The following TAFA2 variants were observed in gnomAD, a reference collection of about 807,000 sequenced individuals.
TAFA2 encodes the protein TAFA chemokine like family member 2, also known as chemokine-like protein TAFA-2.
In TAFA2, 7 loss-of-function variants were observed where a neutral mutation model predicts 18.8. The observed-to-expected ratio is 0.37, with a 90% CI of 0.21 to 0.70. The LOEUF is 0.70. TAFA2 is among the 30% of genes least tolerant of loss of function. The probability of loss-of-function intolerance (pLI) is 0.53; values close to 1 mark genes in which losing one functional copy is unlikely to be tolerated. For missense variants in TAFA2, 122 were observed against 158.1 expected, an observed-to-expected ratio of 0.77 and a Z score of 1.23; for synonymous variants, 60 against 54.2, an observed-to-expected ratio of 1.11 and a Z score of -0.47.
intron 2 of TAFA2, among the ~76,000 whole-genome samples, chr12:61,812,744 ATTTTT>A (rs1209652225): frequency 6.6e-6 from 1 of 150,722 alleles, no homozygotes; most frequent in Non-Finnish European, 1.5e-5. Context: ...TAACTTTTGT[ATTTTT>A]AGTAGGGACA....
intron 1 of TAFA2, among the ~76,000 whole-genome samples, chr12:61,967,278 T>G (rs867248366): frequency 1.3e-5 from 2 of 151,832 alleles, no homozygotes; most frequent in South Asian, 2.1e-4. Flanking sequence ...TCAGTGGGGT[T>G]GCAGAGAGGA....
At position 61,774,782 on chromosome 12, in the gene TAFA2, A is replaced by T. The variant is rs556421176; in HGVS notation, c.107-19758T>A. Among the ~76,000 whole-genome samples the T allele has an allele frequency of 3.3e-5, 5 of 151,830 alleles. No individual in the cohort carries two copies. The East Asian group carries it at 5.8e-4, about 18-fold the overall frequency. ...AAAGATCTTATCCATGTAACCAAAC[A>T]CCTCCTGTTCTGCATAAACCTATTG... On this transcript the variant is annotated intron_variant, in intron 2 of 4. Coordinates refer to ENST00000416284, the MANE Select transcript of TAFA2 (RefSeq NM_178539.5).
chr12:62,020,858 T>C (rs555754939), intron 1 of TAFA2, among the ~76,000 whole-genome samples: 1 of 152,352 alleles, frequency 6.6e-6, no homozygotes, highest in South Asian at 2.1e-4. Flanking sequence ...AAATAGTTTT[T>C]ACATTTTTAA....
At chr12:62,243,996 C>T (rs1414207002) in intron 1 of TAFA2, among the ~76,000 whole-genome samples, 1 of 151,820 alleles carries the variant, frequency 6.6e-6, no homozygotes, top group Non-Finnish European at 1.5e-5. Flanking sequence ...CACTATGTTG[C>T]CCAGGCTTGT....
At chr12:61,747,330 G>A (rs1868767178) in intron 4 of TAFA2, among the ~76,000 whole-genome samples, 2 of 140,844 alleles carry the variant, frequency 1.4e-5, no homozygotes, top group Admixed American at 1.4e-4. Context: ...ATCTATAACT[G>A]GAAATACCAT....
At chr12:61,786,775 G>A (rs138525387) in intron 2 of TAFA2, among the ~76,000 whole-genome samples, 330 of 151,496 alleles carry the variant, frequency 2.2e-3, no homozygotes, top group African/African-American at 7.0e-3. Flanking sequence ...AATACTATAC[G>A]TGAAAGAGTA....
chr12:61,972,992 C>A (rs1226303922), intron 1 of TAFA2, among the ~76,000 whole-genome samples: 1 of 151,564 alleles, frequency 6.6e-6, no homozygotes, highest in Non-Finnish European at 1.5e-5. Context: ...ATGCTAGTAC[C>A]AGAAAAATAG....
intron 1 of TAFA2, among the ~76,000 whole-genome samples, chr12:62,236,958 T>C (rs1296176820): frequency 6.6e-6 from 1 of 152,218 alleles, no homozygotes; most frequent in African/African-American, 2.4e-5. Context: ...TGGTGATATG[T>C]GACCTTCCTG....
chr12:62,178,805 C>A (rs144067143), intron 1 of TAFA2, among the ~76,000 whole-genome samples: 1 of 152,236 alleles, frequency 6.6e-6, no homozygotes, highest in African/African-American at 2.4e-5. Context: ...GCCCTGTAAT[C>A]CAGAGACAGA....
chr12:61,978,341 A>T (rs886156345), intron 1 of TAFA2, among the ~76,000 whole-genome samples: 5 of 152,138 alleles, frequency 3.3e-5, no homozygotes, highest in African/African-American at 1.2e-4. Context: ...TATTCTTATC[A>T]GACTTCATAT....
At chr12:61,833,963 A>T (rs1244411310) in intron 2 of TAFA2, among the ~76,000 whole-genome samples, 1 of 152,008 alleles carries the variant, frequency 6.6e-6, no homozygotes, top group African/African-American at 2.4e-5. Flanking sequence ...ATTATTAGTA[A>T]ATTTCCTGCA....
chr12:61,728,521 G>A (rs1047438141), intron 4 of TAFA2, among the ~76,000 whole-genome samples: 1 of 151,798 alleles, frequency 6.6e-6, no homozygotes, highest in African/African-American at 2.4e-5. Flanking sequence ...TTTAAAGTCT[G>A]TTTTGTCTGA....
chr12:62,107,604 G>A (rs967830427), intron 1 of TAFA2, among the ~76,000 whole-genome samples: 15 of 152,262 alleles, frequency 9.9e-5, no homozygotes, highest in African/African-American at 2.6e-4. Context: ...CATTCAGAAA[G>A]GAAACTGAAA....
At chr12:62,193,546 A>G (rs1388458126), upstream of TAFA2, among the ~76,000 whole-genome samples, 1 of 152,230 alleles carries the variant, frequency 6.6e-6, no homozygotes, top group Non-Finnish European at 1.5e-5. Context: ...TCACTTAGCT[A>G]TTTTATCTTA....
At chr12:61,894,334 A>T (rs1227780784) in intron 1 of TAFA2, among the ~76,000 whole-genome samples, 2 of 152,218 alleles carry the variant, frequency 1.3e-5, no homozygotes, top group Non-Finnish European at 2.9e-5. Flanking sequence ...GCCAAACTCC[A>T]GAGAAACAAA....
At chr12:61,827,586 T>C (rs913652377) in intron 2 of TAFA2, among the ~76,000 whole-genome samples, 5 of 151,990 alleles carry the variant, frequency 3.3e-5, no homozygotes, top group African/African-American at 1.2e-4. Context: ...GCAGTAGTCA[T>C]CAGTAGTCAT....
chr12:62,127,234 T>C (rs1446570216), intron 1 of TAFA2, among the ~76,000 whole-genome samples: 3 of 152,008 alleles, frequency 2.0e-5, no homozygotes, highest in African/African-American at 7.2e-5. Context: ...AAAAGGCTGC[T>C]GAAGGATTGG....
chr12:62,065,358 A>C (rs1882456755), intron 1 of TAFA2, among the ~76,000 whole-genome samples: 1 of 152,074 alleles, frequency 6.6e-6, no homozygotes, highest in Non-Finnish European at 1.5e-5. Flanking sequence ...AATTACAAAA[A>C]TCAAATATTC....
intron 1 of TAFA2, among the ~76,000 whole-genome samples, chr12:61,966,579 T>A (rs975470668): frequency 6.6e-6 from 1 of 151,960 alleles, no homozygotes; most frequent in Non-Finnish European, 1.5e-5. Flanking sequence ...GTTGTTGTTT[T>A]TATTCTTATG....
Sources: gnomAD v4.1 joint callset for allele counts (sites outside exome capture counted in the v4.1 genomes callset) on GRCh38, gnomAD v4.1.1 for gene constraint, MANE v1.5 for transcripts, NCBI Gene and HGNC (gene_info 2026-07-23, HGNC 2026-07-21) for gene names.